Variants in MYLIP observed in about 807,000 individuals in gnomAD.
The protein encoded by MYLIP is E3 ubiquitin-protein ligase MYLIP.
Under a neutral mutation model 45.8 loss-of-function variants are expected in MYLIP, and 26 were observed. The observed-to-expected ratio is 0.57, with a 90% CI of 0.42 to 0.79. The LOEUF (loss-of-function observed/expected upper bound fraction) is 0.79. Among genes scored for constraint, MYLIP ranks in the 30% least tolerant of loss-of-function variants. MYLIP has a pLI of 0.00. For synonymous variants in MYLIP, 213 were observed against 218.1 expected (o/e 0.98, Z 0.21); for missense variants, 494 against 555.6 (o/e 0.89, Z 1.11).
intron 6 of MYLIP, among the ~76,000 whole-genome samples, chr6:16,145,579 A>G (rs916123608): frequency 6.6e-6 from 1 of 152,168 alleles, no homozygotes; most frequent in African/African-American, 2.4e-5. Context: ...CCTGGGTAAC[A>G]TATCTAGTTA....
At position 16,132,054 on chromosome 6, in the gene MYLIP, A is replaced by G. The variant is rs1029382275; in HGVS notation, c.278+1307A>G. 5.9e-5 allele frequency among the ~76,000 whole-genome samples: 9 copies of G among 152,216 alleles called. 1 individual carries two copies. Among genetic ancestry groups the G allele is most frequent in the African/African-American group, 1.9e-4 (8 of 41,452 alleles). On this transcript the variant is annotated intron_variant, in intron 2 of 6. Transcript: ENST00000356840. The stretch of plus-strand genomic sequence containing the variant: ...ACTGTCATAACTTGCAGTCGAATAC[A>G]AGATATAACACAACATATTGGAATT...
At chr6:16,150,167 T>C (rs1012618814), downstream of MYLIP, among the ~76,000 whole-genome samples, 5 of 152,112 alleles carry the variant, frequency 3.3e-5, no homozygotes, top group African/African-American at 1.2e-4. Context: ...AGCGAGACTA[T>C]GAAGGTATTT....
At chr6:16,161,037 C>G in the MYLIP span, 1 of 155,800 alleles carries the variant, frequency 6.4e-6, no homozygotes. Flanking sequence ...GGAGTGGAGA[C>G]GCTCCCACAA....
downstream of MYLIP, chr6:16,148,292 C>T (rs1164374656): frequency 6.6e-6 from 1 of 151,828 alleles, no homozygotes; most frequent in Non-Finnish European, 1.5e-5. Context: ...TATTTCATTT[C>T]AAAGAAATAA....
At chr6:16,133,212 A>G (rs1325168308) in intron 2 of MYLIP, among the ~76,000 whole-genome samples, 2 of 152,222 alleles carry the variant, frequency 1.3e-5, no homozygotes, top group African/African-American at 2.4e-5. Context: ...GCCCAGCTCT[A>G]CATCCTACTT....
chr6:16,144,149 C>A (rs1270378540), intron 5 of MYLIP, among the ~76,000 whole-genome samples: 1 of 152,054 alleles, frequency 6.6e-6, no homozygotes, highest in Non-Finnish European at 1.5e-5. Context: ...TAGGAGATTT[C>A]TATGCCTATT....
chr6:16,130,579 T>C lies in MYLIP; in HGVS notation c.110T>C (p.Ile37Thr). 6.2e-7 allele frequency: 1 copy of C among 1,614,158 alleles called. No individual in the cohort carries two copies. The highest frequency in any genetic ancestry group is 8.5e-7 in the Non-Finnish European group (1 of 1,180,012). Residue 37 changes from isoleucine to threonine, a missense_variant, in exon 2 of 7, where the codon ATA becomes ACA. Coordinates refer to ENST00000356840, the MANE Select transcript of MYLIP (RefSeq NM_013262.4). ...TAGGTGTGCAGGCGACTGGGAATCA[T>C]AGAAGTTGACTATTTTGGACTGCAG... Reference protein sequence around the residue: ...LNQVCRRLGIIEVDYFGLQFT... With the variant: ...LNQVCRRLGITEVDYFGLQFT...
At chr6:16,140,913 G>C (rs758834732) in intron 2 of MYLIP, among the ~76,000 whole-genome samples, 4 of 152,222 alleles carry the variant, frequency 2.6e-5, no homozygotes, top group Non-Finnish European at 4.4e-5. Flanking sequence ...GAGGAGAGCA[G>C]CGCAGAGAAT....
downstream of MYLIP, among the ~76,000 whole-genome samples, chr6:16,151,091 T>C (rs1023159099): frequency 6.6e-6 from 1 of 151,962 alleles, no homozygotes; most frequent in African/African-American, 2.4e-5. Context: ...GGCTCACGCC[T>C]GTAACCCCAG....
intron 2 of MYLIP, among the ~76,000 whole-genome samples, chr6:16,131,374 G>A (rs993084141): frequency 9.2e-5 from 14 of 152,306 alleles, no homozygotes; most frequent in African/African-American, 3.4e-4. Context: ...AGTATAGATT[G>A]AATTTATCTC....
the MYLIP span, among the ~76,000 whole-genome samples, chr6:16,156,284 G>C: frequency 6.6e-6 from 1 of 152,208 alleles, no homozygotes; most frequent in African/African-American, 2.4e-5. Context: ...TTTTTGGCTT[G>C]AGGGTGGAGC....
the MYLIP span, among the ~76,000 whole-genome samples, chr6:16,159,757 C>T: frequency 1.3e-5 from 2 of 152,140 alleles, no homozygotes; most frequent in South Asian, 2.1e-4. Context: ...GACCTGAATA[C>T]CCCCAGGCTG....
rs533205293 is a variant in MYLIP at position 16,132,903 on chromosome 6, G to A, written c.278+2156G>A. On this transcript the variant is annotated intron_variant, in intron 2 of 6. Transcript: ENST00000356840. ...CTTTGACAATCCAGTTATGAAAGGT[G>A]ATTTTTTTATTCTTTTCTAAATCAT... Among the ~76,000 whole-genome samples, 112 of 152,286 alleles carry A rather than the reference G, an allele frequency of 7.4e-4. No individual in the cohort carries two copies. In the Middle Eastern group the frequency reaches 0.014, roughly 18 times the overall value.
At chr6:16,133,254 C>T (rs1427188585) in intron 2 of MYLIP, among the ~76,000 whole-genome samples, 1 of 152,226 alleles carries the variant, frequency 6.6e-6, no homozygotes, top group Non-Finnish European at 1.5e-5. Flanking sequence ...TTCTAAATTT[C>T]TCTTAGCAAT....
chr6:16,146,502 G>T (rs1353808380), intron 6 of MYLIP, among the ~76,000 whole-genome samples, 160 bp from the exon 7 acceptor site: 2 of 152,132 alleles, frequency 1.3e-5, no homozygotes, highest in Non-Finnish European at 2.9e-5. Context: ...CTTTCAACCT[G>T]TGAGACGGCA....
chr6:16,146,829 G>T lies in MYLIP; in HGVS notation c.*78G>T. The stretch of plus-strand genomic sequence containing the variant: ...AACTATTAAAATGATAGATTGTGGA[G>T]AAAGTAATTATTCCAACACCCATCT... On this transcript the variant is annotated 3_prime_UTR_variant, in exon 7 of 7. Coordinates refer to ENST00000356840, the MANE Select transcript of MYLIP (RefSeq NM_013262.4). 5.9e-6 allele frequency: 7 copies of T among 1,180,246 alleles called. No individual in the cohort carries two copies. Among genetic ancestry groups the T allele is most frequent in the Non-Finnish European group, 7.1e-6 (6 of 840,404 alleles). 73.1% of individuals were successfully genotyped at this position (1,180,246 alleles called of 1,614,324 possible).
At chr6:16,157,783 G>A in the MYLIP span, among the ~76,000 whole-genome samples, 10 of 152,352 alleles carry the variant, frequency 6.6e-5, no homozygotes, top group African/African-American at 1.9e-4. Context: ...GCTGAGACTC[G>A]TACAGGAAAC....
At chr6:16,143,305 G>A (rs951497267) in intron 4 of MYLIP, 88 bp downstream of exon 4, 26 of 1,283,560 alleles carry the variant, frequency 2.0e-5, no homozygotes, top group East Asian at 1.2e-4. Flanking sequence ...GGATTTACTC[G>A]ACAGTCAGCT....
At chr6:16,141,444 A>C (rs1759670441) in intron 2 of MYLIP, 181 bp from the exon 3 acceptor site, 1 of 479,512 alleles carries the variant, frequency 2.1e-6, no homozygotes, top group South Asian at 4.6e-5. Flanking sequence ...AGAGAAACGC[A>C]GTTCTTATTT....
Sources: allele counts gnomAD v4.1 joint callset (sites outside exome capture counted in the v4.1 genomes callset), GRCh38; gene constraint gnomAD v4.1.1; transcripts MANE v1.5; gene names NCBI Gene and HGNC (gene_info 2026-07-23, HGNC 2026-07-21).